The following FARS2 variants were observed in gnomAD, a reference collection of about 807,000 sequenced individuals.
FARS2 encodes the protein phenylalanyl-tRNA synthetase 2, mitochondrial.
FARS2 carries 40 observed loss-of-function variants against 46.4 expected under a neutral mutation model. The observed-to-expected ratio is 0.86, with a 90% CI of 0.67 to 1.12. FARS2 has a LOEUF of 1.12. Among genes scored for constraint, FARS2 ranks in the 50% most tolerant of loss-of-function variants. The probability of loss-of-function intolerance (pLI) is 0.00; values close to 1 mark genes in which losing one functional copy is unlikely to be tolerated. For missense variants in FARS2, 513 were observed against 567.9 expected (o/e 0.90, Z 0.98); for synonymous variants, 234 against 214.9 (o/e 1.09, Z -0.78).
At chr6:5,270,391 A>G (rs1765861481) in intron 1 of FARS2, among the ~76,000 whole-genome samples, 1 of 152,194 alleles carries the variant, frequency 6.6e-6, no homozygotes. Context: ...TTTCATTTGT[A>G]GAGCCCAGGT....
chr6:5,511,870 C>T (rs1385276037), intron 4 of FARS2, among the ~76,000 whole-genome samples: 1 of 152,162 alleles, frequency 6.6e-6, no homozygotes, highest in East Asian at 1.9e-4. Flanking sequence ...GTTCAGGAGT[C>T]TGTTAGAGGA....
At chr6:5,428,385 A>T (rs772132508) in intron 3 of FARS2, among the ~76,000 whole-genome samples, 19 of 152,184 alleles carry the variant, frequency 1.2e-4, no homozygotes, top group Non-Finnish European at 2.4e-4. Flanking sequence ...GCATTTAGGT[A>T]ATGTTTAATT....
At chr6:5,355,635 G>A (rs770757647) in intron 1 of FARS2, among the ~76,000 whole-genome samples, 12 of 152,074 alleles carry the variant, frequency 7.9e-5, no homozygotes, top group Non-Finnish European at 1.6e-4. Flanking sequence ...GGGATTACAG[G>A]TGTGAGCCAC....
At chr6:5,553,980 G>T (rs192366051) in intron 5 of FARS2, among the ~76,000 whole-genome samples, 102 of 152,286 alleles carry the variant, frequency 6.7e-4, no homozygotes, top group Middle Eastern at 6.8e-3. Flanking sequence ...CTTCTCTGTT[G>T]CACTCTCATT....
chr6:5,560,619 A>G (rs1042410976), intron 5 of FARS2, among the ~76,000 whole-genome samples: 3 of 152,158 alleles, frequency 2.0e-5, no homozygotes, highest in African/African-American at 4.8e-5. Flanking sequence ...AGCCTCTGGA[A>G]TAATATTTTG....
chr6:5,514,014 G>C (rs1228196346), intron 4 of FARS2, among the ~76,000 whole-genome samples: 1 of 151,922 alleles, frequency 6.6e-6, no homozygotes, highest in Non-Finnish European at 1.5e-5. Flanking sequence ...TATACAGGAG[G>C]TTTGAGGATA....
chr6:5,665,565 T>C (rs1431227387), intron 6 of FARS2: 1 of 152,176 alleles, frequency 6.6e-6, no homozygotes, highest in Non-Finnish European at 1.5e-5. Context: ...TTTATGTTTC[T>C]ATCATATTTA....
chr6:5,441,003 C>T (rs1176919008), intron 4 of FARS2, among the ~76,000 whole-genome samples: 2 of 151,728 alleles, frequency 1.3e-5, no homozygotes, highest in Admixed American at 1.3e-4. Flanking sequence ...CTCCTTGCAA[C>T]CTGCATCTCC....
chr6:5,384,477 A>G (rs986077663), intron 2 of FARS2, among the ~76,000 whole-genome samples: 1 of 152,122 alleles, frequency 6.6e-6, no homozygotes, highest in African/African-American at 2.4e-5. Flanking sequence ...GTGGAATCCC[A>G]TGGGATGGAA....
intron 6 of FARS2, among the ~76,000 whole-genome samples, chr6:5,661,300 C>T (rs570322150): frequency 2.0e-5 from 3 of 152,156 alleles, no homozygotes; most frequent in South Asian, 2.1e-4. Context: ...CTGAAGTAAA[C>T]GTGTTGCACA....
chr6:5,756,247 A>T (rs1333053660), intron 6 of FARS2, among the ~76,000 whole-genome samples: 1 of 151,954 alleles, frequency 6.6e-6, no homozygotes, highest in South Asian at 2.1e-4. Context: ...GCGTCTGGAG[A>T]TTTTTTTCCC....
chr6:5,396,192 G>C (rs1368070135), intron 2 of FARS2, among the ~76,000 whole-genome samples: 4 of 152,134 alleles, frequency 2.6e-5, no homozygotes, highest in Non-Finnish European at 5.9e-5. Context: ...AAAAGGTACT[G>C]AGAGATTTTT....
rs548884905 is a variant in FARS2 at position 5,706,787 on chromosome 6, C to T, written c.1218-64504C>T. On this transcript the variant is annotated intron_variant, in intron 6 of 6. Coordinates refer to ENST00000274680, the MANE Select transcript of FARS2 (RefSeq NM_006567.5). The stretch of plus-strand genomic sequence containing the variant: ...GTTAATCCTATTGCTACATCTCCAG[C>T]CTTGAGATTTGCCAAATATTGCTGA... Among the ~76,000 whole-genome samples, 33 of 152,338 alleles carry T rather than the reference C, an allele frequency of 2.2e-4. 1 individual carries two copies. Among genetic ancestry groups the T allele is most frequent in the South Asian group, 1.0e-3 (5 of 4,826 alleles).
At chr6:5,341,354 C>G (rs1169101042) in intron 1 of FARS2, among the ~76,000 whole-genome samples, 2 of 144,670 alleles carry the variant, frequency 1.4e-5, no homozygotes, top group African/African-American at 5.1e-5. Context: ...ATCAGTGTCC[C>G]AGCTGCTCTT....
Position 5,702,921 on chromosome 6 carries a change from G to C in FARS2, c.1218-68370G>C, listed in dbSNP as rs554428988. On this transcript the variant is annotated intron_variant, in intron 6 of 6. Transcript: ENST00000274680. ...TGGGATGTCACTGTGTTCACCCTTG[G>C]GGACACCAAGAAATTTCATATGAAG... 2.0e-5 allele frequency among the ~76,000 whole-genome samples: 3 copies of C among 152,198 alleles called. No individual in the cohort carries two copies. The South Asian group carries it at 6.2e-4, about 32-fold the overall frequency.
chr6:5,388,715 T>C (rs1208460380), intron 2 of FARS2, among the ~76,000 whole-genome samples: 1 of 152,130 alleles, frequency 6.6e-6, no homozygotes, highest in Non-Finnish European at 1.5e-5. Context: ...TATTTGCTGA[T>C]GAATTCATAA....
intron 6 of FARS2, among the ~76,000 whole-genome samples, chr6:5,697,098 T>C (rs975395235): frequency 3.9e-5 from 6 of 152,206 alleles, no homozygotes; most frequent in African/African-American, 1.2e-4. Context: ...CTTTTTTTTT[T>C]CTATTTACAA....
intron 1 of FARS2, among the ~76,000 whole-genome samples, chr6:5,289,420 A>G (rs1767351017): frequency 6.6e-6 from 1 of 152,236 alleles, no homozygotes; most frequent in African/African-American, 2.4e-5. Context: ...CACAGAATGG[A>G]AAGGGGCATG....
At chr6:5,400,871 A>G (rs977725721) in intron 2 of FARS2, among the ~76,000 whole-genome samples, 3 of 152,018 alleles carry the variant, frequency 2.0e-5, no homozygotes, top group African/African-American at 7.2e-5. Context: ...ATAGATATTC[A>G]TAAGTGTTAT....
Sources: allele counts gnomAD v4.1 joint callset (sites outside exome capture counted in the v4.1 genomes callset), GRCh38; gene constraint gnomAD v4.1.1; transcripts MANE v1.5; gene names NCBI Gene and HGNC (gene_info 2026-07-23, HGNC 2026-07-21).